WDR70: variants seen among roughly 807,000 people sequenced by gnomAD.
WDR70 encodes WD repeat-containing protein 70.
Under a neutral mutation model 88.6 loss-of-function variants are expected in WDR70, and 53 were observed. That is an observed-to-expected ratio of 0.60 (90% CI 0.48 to 0.75). The LOEUF (loss-of-function observed/expected upper bound fraction) is 0.75, where lower values mean the gene tolerates loss of function less well. Among genes scored for constraint, WDR70 ranks in the 30% least tolerant of loss-of-function variants. The pLI, the probability that WDR70 is intolerant of heterozygous loss-of-function variation, is 0.00. For synonymous variants in WDR70, 280 were observed against 270.0 expected (o/e 1.04, Z -0.36); for missense variants, 610 against 823.2 (o/e 0.74, Z 3.17).
chr5:37,670,486 A>G (rs1163731155), intron 10 of WDR70, among the ~76,000 whole-genome samples: 1 of 152,246 alleles, frequency 6.6e-6, no homozygotes, highest in Non-Finnish European at 1.5e-5. Flanking sequence ...TAAAAAGAAC[A>G]GCAAAATTAT....
chr5:37,429,424 C>T (rs533624758), intron 5 of WDR70, among the ~76,000 whole-genome samples: 1 of 151,816 alleles, frequency 6.6e-6, no homozygotes, highest in South Asian at 2.1e-4. Context: ...CTTTCCTTAC[C>T]AATGATTGCA....
chr5:37,683,503 T>A (rs1380391837), intron 10 of WDR70, among the ~76,000 whole-genome samples: 3 of 152,184 alleles, frequency 2.0e-5, no homozygotes, highest in Admixed American at 6.5e-5. Context: ...CCATATTTAG[T>A]ACTTCTTCAG....
At chr5:37,746,638 C>T (rs1343845650) in intron 17 of WDR70, among the ~76,000 whole-genome samples, 3 of 148,526 alleles carry the variant, frequency 2.0e-5, no homozygotes, top group Non-Finnish European at 4.6e-5. Context: ...ATACTATGAA[C>T]ACCTCTGAGC....
chr5:37,525,332 A>C (rs760239804), intron 9 of WDR70, among the ~76,000 whole-genome samples: 1 of 152,214 alleles, frequency 6.6e-6, no homozygotes, highest in Non-Finnish European at 1.5e-5. Context: ...AACTCACTCA[A>C]AACCGCTCAA....
At chr5:37,455,243 CTTT>C (rs544303522) in intron 7 of WDR70, among the ~76,000 whole-genome samples, 15 of 123,058 alleles carry the variant, frequency 1.2e-4, no homozygotes, top group Non-Finnish European at 1.7e-4. Flanking sequence ...TTCTTTCTTT[CTTT>C]TTTTTTTTTT....
intron 10 of WDR70, among the ~76,000 whole-genome samples, chr5:37,669,355 G>A (rs1246129201): frequency 1.3e-5 from 2 of 151,644 alleles, no homozygotes; most frequent in Non-Finnish European, 2.9e-5. Flanking sequence ...AAGGAGAGAG[G>A]GAAGGGGGAA....
intron 9 of WDR70, among the ~76,000 whole-genome samples, chr5:37,528,705 T>C (rs988767576): frequency 1.3e-4 from 20 of 152,242 alleles, no homozygotes; most frequent in African/African-American, 4.3e-4. Context: ...TTGTAGATTC[T>C]AGGTATTAGT....
At chr5:37,412,232 C>T (rs1474932199) in intron 5 of WDR70, among the ~76,000 whole-genome samples, 2 of 151,984 alleles carry the variant, frequency 1.3e-5, no homozygotes, top group Non-Finnish European at 2.9e-5. Flanking sequence ...ACTAAAAATA[C>T]AAAAATTATC....
chr5:37,583,476 T>A (rs13170823), intron 9 of WDR70, among the ~76,000 whole-genome samples: 37,998 of 104,088 alleles, frequency 0.37, 10,670 homozygotes, highest in Non-Finnish European at 0.5. Flanking sequence ...ATGCCTGGCT[T>A]ATGAACAAAT....
At chr5:37,689,328 G>A (rs1438286383) in intron 10 of WDR70, among the ~76,000 whole-genome samples, 2 of 152,228 alleles carry the variant, frequency 1.3e-5, no homozygotes, top group Non-Finnish European at 2.9e-5. Flanking sequence ...TCTGAAGAGA[G>A]CAGTGGTTCT....
chr5:37,742,565 C>A (rs1748516969), intron 17 of WDR70, among the ~76,000 whole-genome samples: 1 of 152,116 alleles, frequency 6.6e-6, no homozygotes, highest in South Asian at 2.1e-4. Context: ...CTTTGAAGCA[C>A]AGAAGTTTTT....
intron 9 of WDR70, among the ~76,000 whole-genome samples, chr5:37,520,464 A>G (rs1561885548): frequency 6.6e-6 from 1 of 152,070 alleles, no homozygotes; most frequent in Admixed American, 6.6e-5. Context: ...TTCTTTTCCT[A>G]TCTTAGTCTT....
chr5:37,690,870 A>G (rs1251889631), intron 10 of WDR70, among the ~76,000 whole-genome samples: 2 of 152,232 alleles, frequency 1.3e-5, no homozygotes, highest in Admixed American at 6.5e-5. Flanking sequence ...ATTCACACAT[A>G]ACATTATTAA....
chr5:37,553,369 TGTATCCTGTTCA>T (rs764327438), intron 9 of WDR70, among the ~76,000 whole-genome samples: 5 of 152,320 alleles, frequency 3.3e-5, no homozygotes, highest in Non-Finnish European at 5.9e-5. Context: ...CACAACCATC[TGTATCCTGTTCA>T]GAATGGATAG....
At chr5:37,407,921 G>T (rs1749403079) in intron 5 of WDR70, among the ~76,000 whole-genome samples, 1 of 152,104 alleles carries the variant, frequency 6.6e-6, no homozygotes. Flanking sequence ...TGTTTTAAGT[G>T]TATATTAGTT....
At chr5:37,488,749 T>G (rs1333750243) in intron 8 of WDR70, among the ~76,000 whole-genome samples, 1 of 152,214 alleles carries the variant, frequency 6.6e-6, no homozygotes, top group African/African-American at 2.4e-5. Context: ...TCACTGAGCT[T>G]CTTTTAGACT....
At chr5:37,650,892 A>G (rs765032685) in intron 10 of WDR70, among the ~76,000 whole-genome samples, 8 of 151,994 alleles carry the variant, frequency 5.3e-5, no homozygotes, top group Non-Finnish European at 1.2e-4. Context: ...TGTTTTTAAA[A>G]TTCTGCCTTG....
chr5:37,568,202 C>G (rs1742800258), intron 9 of WDR70, among the ~76,000 whole-genome samples: 1 of 152,104 alleles, frequency 6.6e-6, no homozygotes, highest in Admixed American at 6.6e-5. Context: ...GTGAGTGATT[C>G]TGTGAATTTT....
intron 9 of WDR70, among the ~76,000 whole-genome samples, chr5:37,560,547 A>T (rs1397241195): frequency 6.6e-6 from 1 of 152,198 alleles, no homozygotes; most frequent in Non-Finnish European, 1.5e-5. Context: ...CACTTTGCTG[A>T]CCAAACATAA....
Sources: allele counts gnomAD v4.1 joint callset (sites outside exome capture counted in the v4.1 genomes callset), GRCh38; gene constraint gnomAD v4.1.1; transcripts MANE v1.5; gene names NCBI Gene and HGNC (gene_info 2026-07-23, HGNC 2026-07-21).